Variants in CA10 observed in about 807,000 individuals in gnomAD.
The protein encoded by CA10 is carbonic anhydrase 10 (inactive).
A neutral mutation model predicts 44.2 loss-of-function variants in CA10; 14 were observed. That is an observed-to-expected ratio of 0.32 (90% CI 0.21 to 0.50). The LOEUF (loss-of-function observed/expected upper bound fraction) is 0.50, where lower values mean the gene tolerates loss of function less well. Ranked by LOEUF, CA10 falls within the 20% of genes least tolerant of loss-of-function variation. The pLI, the probability that CA10 is intolerant of heterozygous loss-of-function variation, is 0.99. For missense variants in CA10, 350 were observed against 409.7 expected (o/e 0.85, Z 1.26); for synonymous variants, 159 against 141.6 (o/e 1.12, Z -0.87).
At chr17:51,916,705 T>C (rs904909833) in intron 3 of CA10, among the ~76,000 whole-genome samples, 2 of 152,274 alleles carry the variant, frequency 1.3e-5, no homozygotes, top group South Asian at 2.1e-4. Flanking sequence ...GAAAGCAGAC[T>C]AATACAAAGT....
chr17:52,020,359 A>C (rs1428007605), intron 2 of CA10, among the ~76,000 whole-genome samples: 1 of 151,986 alleles, frequency 6.6e-6, no homozygotes, highest in East Asian at 1.9e-4. Flanking sequence ...AACTCAAAAC[A>C]ATATTAGTAG....
intron 1 of CA10, among the ~76,000 whole-genome samples, chr17:52,154,922 T>C (rs547812582): frequency 6.6e-6 from 1 of 152,204 alleles, no homozygotes; most frequent in South Asian, 2.1e-4. Context: ...AAGCAATATA[T>C]CCAAATAGGC....
At chr17:52,113,369 G>A (rs555679156) in intron 1 of CA10, among the ~76,000 whole-genome samples, 2 of 152,006 alleles carry the variant, frequency 1.3e-5, no homozygotes, top group African/African-American at 4.8e-5. Flanking sequence ...TTACGGCCAG[G>A]TTAATAATAA....
intron 3 of CA10, among the ~76,000 whole-genome samples, chr17:51,831,732 GAA>G (rs1204094455): frequency 6.9e-6 from 1 of 145,942 alleles, no homozygotes; most frequent in African/African-American, 2.5e-5. Flanking sequence ...AGCAGCAGCA[GAA>G]AAAGACCTTC....
intron 3 of CA10, among the ~76,000 whole-genome samples, chr17:51,806,249 C>T (rs2143728739): frequency 6.6e-6 from 1 of 152,252 alleles, no homozygotes; most frequent in Admixed American, 6.5e-5. Flanking sequence ...AAGAGGGAAG[C>T]AGGAAGGTCA....
At position 51,633,630 on chromosome 17, in the gene CA10, G is replaced by A. The variant is rs1001554175; in HGVS notation, c.810C>T (p.Leu270=). 6.2e-7 allele frequency: 1 copy of A among 1,613,752 alleles called. No homozygotes were observed. Among genetic ancestry groups the A allele is most frequent in the Non-Finnish European group, 8.5e-7 (1 of 1,179,808 alleles). Residue 270 remains leucine, a synonymous_variant, in exon 8 of 9, where the codon CTC becomes CTT. Transcript: ENST00000451037. ...TRMQMHSLRL[L]SQNQPSQIFL... ...AGATCTGAGATGGCTGGTTCTGGCT[G>A]AGCAGGCGCAAGGAATGCATCTGAG...
intron 2 of CA10, among the ~76,000 whole-genome samples, chr17:51,959,207 T>C (rs1983775833): frequency 6.7e-6 from 1 of 148,958 alleles, no homozygotes; most frequent in East Asian, 2.0e-4. Context: ...CTGGAAGACA[T>C]TCTTTTTTTT....
intron 4 of CA10, among the ~76,000 whole-genome samples, chr17:51,659,566 A>G (rs944803201): frequency 1.3e-5 from 2 of 152,378 alleles, no homozygotes; most frequent in Non-Finnish European, 2.9e-5. Flanking sequence ...TGATCAGAAC[A>G]GATGTAAACC....
rs34184028 is a variant in CA10, at chr17:52,123,371, GGTGTGTGTGT to G, written c.61+34345_61+34354del. Among the ~76,000 whole-genome samples the G allele has an allele frequency of 1.4e-5, 2 of 146,342 alleles. 1 individual carries two copies. Among genetic ancestry groups the G allele is most frequent in the South Asian group, 4.4e-4 (2 of 4,568 alleles). ...TGTGTGTATGTGTGTATATATATGG[GGTGTGTGTGT>G]GTGTGTGTGTGTGTGACGTTTTCAT... On this transcript the variant is annotated intron_variant, in intron 1 of 8. Coordinates refer to ENST00000451037, the MANE Select transcript of CA10 (RefSeq NM_020178.5).
At chr17:51,677,888 C>CA (rs1567799841) in intron 4 of CA10, among the ~76,000 whole-genome samples, 1 of 35,390 alleles carries the variant, frequency 2.8e-5, no homozygotes, top group Non-Finnish European at 1.1e-4. Context: ...GGTATACACC[C>CA]CCCCCCCCAC....
chr17:51,725,926 G>A (rs1003817830), intron 4 of CA10, among the ~76,000 whole-genome samples: 6 of 152,174 alleles, frequency 3.9e-5, no homozygotes, highest in Non-Finnish European at 7.3e-5. Flanking sequence ...ACAAAAAAAT[G>A]TGAAGTGTAA....
At chr17:51,982,358 C>T (rs1984679996) in intron 2 of CA10, among the ~76,000 whole-genome samples, 1 of 151,888 alleles carries the variant, frequency 6.6e-6, no homozygotes, top group African/African-American at 2.4e-5. Flanking sequence ...TCTTGGTTGA[C>T]TTAAATTGTG....
At chr17:51,885,885 T>C (rs1980577019) in intron 3 of CA10, among the ~76,000 whole-genome samples, 1 of 152,220 alleles carries the variant, frequency 6.6e-6, no homozygotes. Flanking sequence ...ACAGCAAATA[T>C]AATTTTGGCC....
intron 2 of CA10, among the ~76,000 whole-genome samples, chr17:51,936,163 G>A (rs1382771468): frequency 6.6e-6 from 1 of 152,168 alleles, no homozygotes; most frequent in Non-Finnish European, 1.5e-5. Flanking sequence ...GAAAGTTGAT[G>A]CAACAAATCT....
chr17:51,873,052 C>T (rs1051188971), intron 3 of CA10, among the ~76,000 whole-genome samples: 5 of 152,166 alleles, frequency 3.3e-5, no homozygotes, highest in Non-Finnish European at 5.9e-5. Flanking sequence ...AAGAGAAGTG[C>T]TGGAGTTTAG....
chr17:51,690,567 C>T (rs1443206908), intron 4 of CA10, among the ~76,000 whole-genome samples: 1 of 151,974 alleles, frequency 6.6e-6, no homozygotes, highest in Non-Finnish European at 1.5e-5. Context: ...ATGGGTATTC[C>T]CATGCTGTTC....
At chr17:52,000,179 A>C (rs181889972) in intron 2 of CA10, among the ~76,000 whole-genome samples, 44 of 152,184 alleles carry the variant, frequency 2.9e-4, no homozygotes, top group Admixed American at 1.4e-3. Flanking sequence ...TATATCTTGG[A>C]CTTCATGATG....
intron 7 of CA10, 25 bp from the exon 8 acceptor site, chr17:51,633,675 G>A (rs1265278228): frequency 3.8e-6 from 6 of 1,580,156 alleles, no homozygotes; most frequent in Non-Finnish European, 5.2e-6. Context: ...GTGGCCGTGA[G>A]ATCCAACCAT....
At position 52,158,322 on chromosome 17, in the gene CA10, C is replaced by A. The variant is rs1361823502; in HGVS notation, c.-536G>T. On this transcript the variant is annotated 5_prime_UTR_variant, in exon 1 of 9. Coordinates refer to ENST00000451037, the MANE Select transcript of CA10 (RefSeq NM_020178.5). ...TGCCCTCGAAGTCCGCCCCCCTCAC[C>A]GGGGCATGGTCGGAGGGTGGCTGCT... is the stretch of plus-strand genomic sequence containing the variant. The A allele has an allele frequency of 5.6e-5, 11 of 197,516 alleles. No individual in the cohort carries two copies. The highest frequency in any genetic ancestry group is 5.5e-4 in the Admixed American group (10 of 18,348). 12.2% of individuals were successfully genotyped at this position (197,516 alleles called of 1,614,324 possible).
Sources: allele counts gnomAD v4.1 joint callset (sites outside exome capture counted in the v4.1 genomes callset), GRCh38; gene constraint gnomAD v4.1.1; transcripts MANE v1.5; gene names NCBI Gene and HGNC (gene_info 2026-07-23, HGNC 2026-07-21).